The following CTNNBIP1 variants were observed in gnomAD, a reference collection of about 807,000 sequenced individuals.
CTNNBIP1 encodes catenin beta interacting protein 1, also known as beta-catenin-interacting protein 1.
A neutral mutation model predicts 11.8 loss-of-function variants in CTNNBIP1; 7 were observed. The ratio of observed to expected loss-of-function variants is 0.60; its 90% CI spans 0.34 to 1.12. The LOEUF is 1.12. Ranked by LOEUF, CTNNBIP1 falls within the 50% of genes most tolerant of loss-of-function variation. CTNNBIP1 has a pLI of 0.03. For synonymous variants in CTNNBIP1, 58 were observed against 43.9 expected (o/e 1.32, Z -1.26); for missense variants, 101 against 113.4 (o/e 0.89, Z 0.50).
At chr1:9,899,944 C>G (rs1032775505) in intron 1 of CTNNBIP1, among the ~76,000 whole-genome samples, 2 of 151,788 alleles carry the variant, frequency 1.3e-5, no homozygotes, top group Non-Finnish European at 2.9e-5. Context: ...CCTGGTGGCA[C>G]ATGCCTGTAA....
At chr1:9,898,506 C>T (rs1037535192) in intron 1 of CTNNBIP1, among the ~76,000 whole-genome samples, 6 of 151,248 alleles carry the variant, frequency 4.0e-5, no homozygotes, top group East Asian at 1.9e-4. Context: ...CCTGGCAACA[C>T]AGCGAGACTG....
intron 1 of CTNNBIP1, among the ~76,000 whole-genome samples, chr1:9,908,177 G>A (rs1639655479): frequency 6.6e-6 from 1 of 152,002 alleles, no homozygotes; most frequent in South Asian, 2.1e-4. Context: ...TCCTGCCTCA[G>A]CCTCCCAAGT....
At chr1:9,870,438 A>G (rs907837494) in intron 5 of CTNNBIP1, among the ~76,000 whole-genome samples, 1 of 152,220 alleles carries the variant, frequency 6.6e-6, no homozygotes. Context: ...AAGATGGCAG[A>G]CAGTGAAGCG....
chr1:9,854,926 C>G (rs922216624), intron 5 of CTNNBIP1, among the ~76,000 whole-genome samples: 4 of 152,182 alleles, frequency 2.6e-5, no homozygotes, highest in Non-Finnish European at 5.9e-5. Context: ...ATCTGCCCAC[C>G]TTGGCCTCCC....
At chr1:9,897,731 T>C (rs950610574) in intron 1 of CTNNBIP1, among the ~76,000 whole-genome samples, 4 of 151,972 alleles carry the variant, frequency 2.6e-5, no homozygotes, top group Non-Finnish European at 1.5e-5. Context: ...GGAGAATCAC[T>C]TGAAGCTGGA....
At chr1:9,894,362 G>A (rs1639366479) in intron 1 of CTNNBIP1, among the ~76,000 whole-genome samples, 2 of 152,116 alleles carry the variant, frequency 1.3e-5, no homozygotes, top group Non-Finnish European at 2.9e-5. Context: ...TGTTTGTTTG[G>A]TTTTGTTTTT....
At position 9,849,386 on chromosome 1, in the gene CTNNBIP1, C is replaced by T. The variant is rs1305157013; in HGVS notation, c.*1332G>A. On this transcript the variant is annotated 3_prime_UTR_variant, in exon 6 of 6. Coordinates refer to ENST00000377263, the MANE Select transcript of CTNNBIP1 (RefSeq NM_020248.3). ...CCTTCCAGGCTGACCTGGAGAGAGACCCTTCCAAAGGCAGTGGAGTGGAGG... is the reference window on the plus strand; with the variant it reads ...CCTTCCAGGCTGACCTGGAGAGAGATCCTTCCAAAGGCAGTGGAGTGGAGG... 2 of 152,318 alleles carry T rather than the reference C, an allele frequency of 1.3e-5. No homozygotes were observed. The highest frequency in any genetic ancestry group is 4.8e-5 in the African/African-American group (2 of 41,452). The allele number at this position is 152,318 out of a possible 1,614,324, so 9.4% of individuals were successfully genotyped here.
chr1:9,864,481 A>G (rs1232407686), intron 5 of CTNNBIP1, among the ~76,000 whole-genome samples: 4 of 152,148 alleles, frequency 2.6e-5, no homozygotes, highest in South Asian at 2.1e-4. Context: ...GGCGCCCGCC[A>G]CCACGCCCGG....
At chr1:9,902,308 C>A (rs559783665) in intron 1 of CTNNBIP1, among the ~76,000 whole-genome samples, 2 of 152,072 alleles carry the variant, frequency 1.3e-5, no homozygotes, top group African/African-American at 4.8e-5. Flanking sequence ...AGAAGTGCAC[C>A]GTGTTAATGG....
intron 5 of CTNNBIP1, among the ~76,000 whole-genome samples, chr1:9,858,398 C>CT (rs1356292835): frequency 1.3e-5 from 2 of 152,200 alleles, no homozygotes; most frequent in Non-Finnish European, 2.9e-5. Flanking sequence ...ACGCTGGTCT[C>CT]TGACTGCCAC....
chr1:9,904,184 G>GT (rs2101548205), intron 1 of CTNNBIP1, among the ~76,000 whole-genome samples: 1 of 152,258 alleles, frequency 6.6e-6, no homozygotes, highest in East Asian at 1.9e-4. Flanking sequence ...ATCTACAGAT[G>GT]ACATATGACT....
chr1:9,898,608 TAATA>T (rs1198512715), intron 1 of CTNNBIP1, among the ~76,000 whole-genome samples: 1 of 152,044 alleles, frequency 6.6e-6, no homozygotes, highest in Non-Finnish European at 1.5e-5. Flanking sequence ...CAAATTTCCT[TAATA>T]TATAAAAAAA....
At position 9,871,842 on chromosome 1, in the gene CTNNBIP1, G is replaced by T; in HGVS notation, c.96+127C>A. 1.3e-6 allele frequency: 1 copy of T among 753,318 alleles called. No homozygotes were observed. The highest frequency in any genetic ancestry group is 2.3e-6 in the Non-Finnish European group (1 of 443,770). 46.7% of individuals were successfully genotyped at this position (753,318 alleles called of 1,614,324 possible). ...CTAGAGCCAAGCCACAGGCCCAGCG[G>T]CCCCTCCTCAGCCCGTGGCTCCGCA... On this transcript the variant is annotated intron_variant, in intron 4 of 5. Transcript: ENST00000377263. The surrounding 1 kb of genome is among the most constrained non-coding windows in gnomAD (Gnocchi z 5.2).
rs1557752454 is a variant in CTNNBIP1, at chr1:9,871,303, G to C, written c.97-26C>G. On this transcript the variant is annotated intron_variant, in intron 4 of 5. Coordinates refer to ENST00000377263, the MANE Select transcript of CTNNBIP1 (RefSeq NM_020248.3). This position sits in a 1 kb window ranked among gnomAD's most constrained non-coding sequence, Gnocchi z 5.2. ...CTGCAGGGTGAGAGAGCTGTGGTGA[G>C]GGGCAGCATGCACCTGTTCCCTGAA... 2.6e-6 allele frequency: 4 copies of C among 1,518,946 alleles called. No homozygotes were observed. Among genetic ancestry groups the C allele is most frequent in the Non-Finnish European group, 1.8e-6 (2 of 1,118,106 alleles). The allele number at this position is 1,518,946 out of a possible 1,614,324, so 94.1% of individuals were successfully genotyped here. A position where few individuals can be genotyped will look rare whatever the true frequency, so the allele number is the denominator to read the frequency against.
Position 9,872,752 on chromosome 1 carries a change from T to TG in CTNNBIP1, c.-24-665dup, listed in dbSNP as rs1441804615. 6.6e-6 allele frequency among the ~76,000 whole-genome samples: 1 copy of TG among 152,096 alleles called. No homozygotes were observed. Among genetic ancestry groups the TG allele is most frequent in the Non-Finnish European group, 1.5e-5 (1 of 68,000 alleles). ...TCAGAGGGTAGCTCCTGCAGGCAGC[T>TG]GGGAAGGCCAGCAGCGTGTCCACAT... On this transcript the variant is annotated intron_variant, in intron 3 of 5. Coordinates refer to ENST00000377263, the MANE Select transcript of CTNNBIP1 (RefSeq NM_020248.3). This position sits in a 1 kb window ranked among gnomAD's most constrained non-coding sequence, Gnocchi z 4.0.
rs531464921 is a variant in CTNNBIP1, at chr1:9,865,501, A to G, written c.187+5686T>C. On this transcript the variant is annotated intron_variant, in intron 5 of 5. Transcript: ENST00000377263. Reference sequence around the variant, plus strand: ...CGCCTGTAGTCCCAGCTACTCAGGAAGCTGAGGCAGGAGAATGGCATGAAC... The same window carrying G: ...CGCCTGTAGTCCCAGCTACTCAGGAGGCTGAGGCAGGAGAATGGCATGAAC... Among the ~76,000 whole-genome samples, 4 of 149,708 alleles carry G rather than the reference A, an allele frequency of 2.7e-5. No individual in the cohort carries two copies. In the South Asian group the frequency reaches 6.4e-4, roughly 24 times the overall value.
chr1:9,901,472 C>CT (rs1401099489), intron 1 of CTNNBIP1, among the ~76,000 whole-genome samples: 1 of 152,178 alleles, frequency 6.6e-6, no homozygotes, highest in African/African-American at 2.4e-5. Flanking sequence ...GAATCTAGGA[C>CT]TTCAGGGGTG....
chr1:9,871,862 TCC>T lies in CTNNBIP1; in HGVS notation c.96+105_96+106del. The T allele has an allele frequency of 7.4e-6, 7 of 948,308 alleles. No individual in the cohort carries two copies. The highest frequency in any genetic ancestry group is 1.2e-5 in the Non-Finnish European group (7 of 602,634). The allele number at this position is 948,308 out of a possible 1,614,324, so 58.7% of individuals were successfully genotyped here. On this transcript the variant is annotated intron_variant, in intron 4 of 5. Transcript: ENST00000377263. The surrounding 1 kb of genome is among the most constrained non-coding windows in gnomAD (Gnocchi z 5.2). ...CAGCGGCCCCTCCTCAGCCCGTGGC[TCC>T]GCAGGAGGCAGCCGCAGTGGCTCCA...
In CTNNBIP1 at chr1:9,872,153, C is replaced by G; in HGVS notation, c.-24-65G>C. ...GATGTGACATACTGGGACAATGACACCTGCTAGTGACCCTCACTCCTCCCA... is the reference window on the plus strand; with the variant it reads ...GATGTGACATACTGGGACAATGACAGCTGCTAGTGACCCTCACTCCTCCCA... On this transcript the variant is annotated intron_variant, in intron 3 of 5. Transcript: ENST00000377263. This position sits in a 1 kb window ranked among gnomAD's most constrained non-coding sequence, Gnocchi z 4.0. 1.0e-6 allele frequency: 1 copy of G among 971,570 alleles called. No homozygotes were observed. The highest frequency in any genetic ancestry group is 1.6e-6 in the Non-Finnish European group (1 of 613,756). The allele number at this position is 971,570 out of a possible 1,614,324, so 60.2% of individuals were successfully genotyped here.
Sources: gnomAD v4.1 joint callset for allele counts (sites outside exome capture counted in the v4.1 genomes callset) on GRCh38, gnomAD v4.1.1 for gene constraint, Gnocchi (gnomAD v3.1) non-coding constraint, MANE v1.5 for transcripts, NCBI Gene and HGNC (gene_info 2026-07-23, HGNC 2026-07-21) for gene names.